Variants in MAMDC2 observed in about 807,000 individuals in gnomAD.
MAMDC2 encodes MAM domain-containing protein 2.
MAMDC2 carries 57 observed loss-of-function variants against 89.8 expected under a neutral mutation model. That is an observed-to-expected ratio of 0.63 (90% confidence interval 0.51 to 0.79). The LOEUF (loss-of-function observed/expected upper bound fraction) is 0.79. Among genes scored for constraint, MAMDC2 ranks in the 30% least tolerant of loss-of-function variants. The pLI, the probability that MAMDC2 is intolerant of heterozygous loss-of-function variation, is 0.00. For synonymous variants in MAMDC2, 313 were observed against 293.4 expected (o/e 1.07, Z -0.68); for missense variants, 800 against 820.6 (o/e 0.97, Z 0.31).
At chr9:70,130,818 C>T (rs1221855630) in intron 6 of MAMDC2, among the ~76,000 whole-genome samples, 2 of 152,000 alleles carry the variant, frequency 1.3e-5, no homozygotes, top group Non-Finnish European at 2.9e-5. Context: ...AAAAAAAAAC[C>T]TGGCCTACTT....
chr9:70,121,165 C>T (rs1483608795), intron 5 of MAMDC2, among the ~76,000 whole-genome samples: 1 of 152,200 alleles, frequency 6.6e-6, no homozygotes, highest in Non-Finnish European at 1.5e-5. Context: ...TGAAAATAAA[C>T]ATTCAGGAAC....
chr9:70,207,580 T>C (rs964017277), intron 11 of MAMDC2, among the ~76,000 whole-genome samples: 17 of 152,222 alleles, frequency 1.1e-4, no homozygotes, highest in Admixed American at 3.3e-4. Context: ...ATTCTGTAGG[T>C]TGCCTGTTCA....
At chr9:70,136,672 T>C (rs1172957283) in intron 7 of MAMDC2, among the ~76,000 whole-genome samples, 2 of 152,202 alleles carry the variant, frequency 1.3e-5, no homozygotes, top group Non-Finnish European at 2.9e-5. Flanking sequence ...TCATTCCTGA[T>C]GAGGAATTCA....
At position 70,044,236 on chromosome 9, in the gene MAMDC2, G is replaced by T. The variant is rs748536611; in HGVS notation, c.34+5G>T. On this transcript the variant is annotated splice_donor_5th_base_variant and intron_variant, in intron 1 of 13. Coordinates refer to ENST00000377182, the MANE Select transcript of MAMDC2 (RefSeq NM_153267.5). ...GCGTCCTCCTGGCGTTGCAAGGTAA[G>T]GCCTGGACCCCGGGACAACCCCGGG... 4.1e-5 allele frequency: 66 copies of T among 1,612,574 alleles called. No homozygotes were observed. Among genetic ancestry groups the T allele is most frequent in the Non-Finnish European group, 5.5e-5 (65 of 1,179,894 alleles).
chr9:70,088,520 A>G (rs1241178531), intron 2 of MAMDC2: 2 of 152,016 alleles, frequency 1.3e-5, no homozygotes, highest in South Asian at 2.1e-4. Context: ...TGAAAATATA[A>G]TAATAACAAA....
At chr9:70,115,425 G>A (rs1252826058) in intron 5 of MAMDC2, among the ~76,000 whole-genome samples, 1 of 151,738 alleles carries the variant, frequency 6.6e-6, no homozygotes, top group Non-Finnish European at 1.5e-5. Flanking sequence ...TGCAATCTCA[G>A]CTCAGTGCAA....
chr9:70,091,139 T>A (rs893067896), intron 2 of MAMDC2, among the ~76,000 whole-genome samples: 1 of 152,242 alleles, frequency 6.6e-6, no homozygotes, highest in Non-Finnish European at 1.5e-5. Flanking sequence ...AGAGGAAGGC[T>A]TGGCTTCAGT....
chr9:70,069,803 T>C (rs933315435), intron 2 of MAMDC2, among the ~76,000 whole-genome samples: 2 of 152,212 alleles, frequency 1.3e-5, no homozygotes, highest in Non-Finnish European at 2.9e-5. Context: ...TGGAGAAGAA[T>C]TTCAGCCAGA....
chr9:70,118,562 C>T (rs1228959594), intron 5 of MAMDC2, among the ~76,000 whole-genome samples: 2 of 152,192 alleles, frequency 1.3e-5, no homozygotes, highest in African/African-American at 2.4e-5. Context: ...TTGCTTTCTA[C>T]CGCATATATT....
chr9:70,213,538 A>AT (rs1238042438), intron 11 of MAMDC2, among the ~76,000 whole-genome samples: 4 of 152,116 alleles, frequency 2.6e-5, no homozygotes, highest in African/African-American at 7.2e-5. Context: ...TACTATGGTC[A>AT]TTTTCATGCC....
At chr9:70,065,160 G>T (rs1188808935) in intron 2 of MAMDC2, among the ~76,000 whole-genome samples, 1 of 152,120 alleles carries the variant, frequency 6.6e-6, no homozygotes, top group Non-Finnish European at 1.5e-5. Context: ...ATGTGTATCG[G>T]TTTTCTAAAT....
intron 5 of MAMDC2, among the ~76,000 whole-genome samples, chr9:70,120,914 C>T (rs1233366895): frequency 6.6e-6 from 1 of 152,106 alleles, no homozygotes; most frequent in Admixed American, 6.5e-5. Context: ...CTTTGGGTGC[C>T]GTCTGCTCAC....
chr9:70,097,556 A>C (rs571699916), intron 2 of MAMDC2, among the ~76,000 whole-genome samples: 1 of 152,146 alleles, frequency 6.6e-6, no homozygotes, highest in African/African-American at 2.4e-5. Flanking sequence ...AAGCAAACCT[A>C]TATTTCCCCA....
intron 11 of MAMDC2, among the ~76,000 whole-genome samples, chr9:70,212,370 T>C (rs2033371716): frequency 6.6e-6 from 1 of 152,306 alleles, no homozygotes; most frequent in South Asian, 2.1e-4. Flanking sequence ...TGCAGTTCAA[T>C]CTCAGACTGC....
intron 8 of MAMDC2, among the ~76,000 whole-genome samples, chr9:70,142,591 A>C (rs1054643336): frequency 1.3e-5 from 2 of 152,116 alleles, no homozygotes; most frequent in Non-Finnish European, 2.9e-5. Flanking sequence ...ACAGTTCTGG[A>C]GGCTGTGAGT....
chr9:70,058,113 G>A (rs1383138853), intron 2 of MAMDC2, among the ~76,000 whole-genome samples: 1 of 152,206 alleles, frequency 6.6e-6, no homozygotes, highest in Non-Finnish European at 1.5e-5. Flanking sequence ...AGATTCAATA[G>A]GAATATGAAT....
intron 2 of MAMDC2, chr9:70,086,042 T>C (rs1827763636): frequency 6.6e-6 from 1 of 152,090 alleles, no homozygotes; most frequent in African/African-American, 2.4e-5. Flanking sequence ...ATAAAGACTT[T>C]AGTCCCATTC....
chr9:70,078,663 C>T (rs1827589805), intron 2 of MAMDC2, among the ~76,000 whole-genome samples: 1 of 152,132 alleles, frequency 6.6e-6, no homozygotes, highest in South Asian at 2.1e-4. Context: ...TGGGCAATAG[C>T]AAGCAGTTTC....
rs146134649 is a variant in MAMDC2 at position 70,062,371 on chromosome 9, A to G, written c.148+17674A>G. On this transcript the variant is annotated intron_variant, in intron 2 of 13. Coordinates refer to ENST00000377182, the MANE Select transcript of MAMDC2 (RefSeq NM_153267.5). ...CTCAGTAAATATTTTTGAGTTATTA[A>G]TTGAAGGATCGTAAGAGATGAGCTA... is the stretch of plus-strand genomic sequence containing the variant. Among the ~76,000 whole-genome samples, 339 of 152,218 alleles carry G rather than the reference A, an allele frequency of 2.2e-3. 1 individual carries two copies. Among genetic ancestry groups the G allele is most frequent in the African/African-American group, 7.9e-3 (328 of 41,526 alleles).
Sources: allele counts gnomAD v4.1 joint callset (sites outside exome capture counted in the v4.1 genomes callset), GRCh38; gene constraint gnomAD v4.1.1; transcripts MANE v1.5; gene names NCBI Gene and HGNC (gene_info 2026-07-23, HGNC 2026-07-21).